RGS5: variants seen among roughly 807,000 people sequenced by gnomAD.
The protein encoded by RGS5 is regulator of G-protein signalling 5.
A neutral mutation model predicts 18.9 loss-of-function variants in RGS5; 20 were observed. The ratio of observed to expected loss-of-function variants is 1.06; its 90% CI spans 0.74 to 1.54. The LOEUF is 1.54. RGS5 is among the 40% of genes most tolerant of loss of function. The probability of loss-of-function intolerance (pLI) is 0.00; values close to 1 mark genes in which losing one functional copy is unlikely to be tolerated. For missense variants in RGS5, 201 were observed against 211.8 expected (o/e 0.95, Z 0.32); for synonymous variants, 57 against 76.2 (o/e 0.75, Z 1.31).
rs554530146 is a variant in RGS5, at chr1:163,161,989, T to C, written c.156-13A>G. 9.3e-6 allele frequency: 15 copies of C among 1,608,400 alleles called. No homozygotes were observed. In the South Asian group the frequency reaches 1.5e-4, roughly 17 times the overall value. ...GTCCAGCGAGGTTCTACATCAATAATAAGGAGAGAAAAGGGGTATGGCGTA... is the reference window on the plus strand; with the variant it reads ...GTCCAGCGAGGTTCTACATCAATAACAAGGAGAGAAAAGGGGTATGGCGTA... On this transcript the variant is annotated splice_polypyrimidine_tract_variant and intron_variant, in intron 2 of 4. Transcript: ENST00000313961.
chr1:163,314,837 G>C (rs1049730126), intron 1 of RGS5, among the ~76,000 whole-genome samples: 18 of 152,118 alleles, frequency 1.2e-4, no homozygotes, highest in African/African-American at 4.3e-4. Context: ...GGCACAGCTA[G>C]AAGATGCCAT....
chr1:163,309,229 G>A (rs1049053593), intron 1 of RGS5, among the ~76,000 whole-genome samples: 1 of 152,156 alleles, frequency 6.6e-6, no homozygotes, highest in Non-Finnish European at 1.5e-5. Context: ...GTTGCTGAAG[G>A]TTTAGGTGGC....
chr1:163,245,986 C>A (rs185238932), intron 2 of RGS5, among the ~76,000 whole-genome samples: 3 of 152,170 alleles, frequency 2.0e-5, no homozygotes, highest in Admixed American at 6.5e-5. Context: ...GAGGCCAAGG[C>A]GGGCGGATCA....
chr1:163,164,972 C>A (rs1474702499), intron 2 of RGS5, among the ~76,000 whole-genome samples: 1 of 152,124 alleles, frequency 6.6e-6, no homozygotes, highest in Non-Finnish European at 1.5e-5. Flanking sequence ...GTGCCTAGTC[C>A]CCTCTCCCTT....
chr1:163,178,105 C>A (rs970739256), intron 1 of RGS5, among the ~76,000 whole-genome samples: 5 of 152,072 alleles, frequency 3.3e-5, no homozygotes, highest in African/African-American at 1.2e-4. Context: ...GAATTCAAGA[C>A]CAGCCTAGAC....
intron 1 of RGS5, among the ~76,000 whole-genome samples, chr1:163,320,612 C>T (rs1469116889): frequency 6.6e-6 from 1 of 152,124 alleles, no homozygotes. Flanking sequence ...TGGCAAGTGT[C>T]AATGAGACAG....
chr1:163,293,444 G>A (rs1649345911), intron 2 of RGS5, among the ~76,000 whole-genome samples: 1 of 152,154 alleles, frequency 6.6e-6, no homozygotes, highest in South Asian at 2.1e-4. Flanking sequence ...TCACTATCAT[G>A]ATAACAGCAA....
chr1:163,255,929 C>T (rs61812164), intron 2 of RGS5, among the ~76,000 whole-genome samples: 14,709 of 152,116 alleles, frequency 0.097, 983 homozygotes, highest in South Asian at 0.2. Context: ...GCTAAAAACT[C>T]TCAATAAATT....
At chr1:163,317,214 G>A (rs145377207) in intron 1 of RGS5, among the ~76,000 whole-genome samples, 56 of 152,240 alleles carry the variant, frequency 3.7e-4, no homozygotes, top group African/African-American at 1.3e-3. Context: ...CTAAATCAGA[G>A]ACTGGCATCC....
At chr1:163,291,130 T>C (rs1338361048) in intron 2 of RGS5, among the ~76,000 whole-genome samples, 1 of 121,306 alleles carries the variant, frequency 8.2e-6, no homozygotes, top group Non-Finnish European at 1.9e-5. Flanking sequence ...AGCCCACTTA[T>C]TAAAAAAAAA....
chr1:163,176,760 T>G (rs1658579332), intron 1 of RGS5, among the ~76,000 whole-genome samples: 1 of 152,228 alleles, frequency 6.6e-6, no homozygotes, highest in Non-Finnish European at 1.5e-5. Context: ...GTTTTGATAT[T>G]TTCAACGAAA....
chr1:163,182,165 G>A (rs1025277320), intron 1 of RGS5, among the ~76,000 whole-genome samples: 1 of 152,108 alleles, frequency 6.6e-6, no homozygotes, highest in Non-Finnish European at 1.5e-5. Context: ...AAATGGATAG[G>A]ATAGGATAGG....
intron 1 of RGS5, among the ~76,000 whole-genome samples, chr1:163,184,146 T>A (rs1658970945): frequency 6.6e-6 from 1 of 152,008 alleles, no homozygotes; most frequent in African/African-American, 2.4e-5. Flanking sequence ...AGCAACAAAG[T>A]CTAGGAACCA....
intron 2 of RGS5, among the ~76,000 whole-genome samples, chr1:163,244,207 C>A (rs985581825): frequency 6.6e-6 from 1 of 152,062 alleles, no homozygotes; most frequent in African/African-American, 2.4e-5. Context: ...GAAGATAAAG[C>A]CTATCATCTC....
intron 2 of RGS5, among the ~76,000 whole-genome samples, chr1:163,286,821 T>A (rs1482146678): frequency 6.6e-6 from 1 of 152,148 alleles, no homozygotes; most frequent in Non-Finnish European, 1.5e-5. Flanking sequence ...AAAAAAAATT[T>A]TAAGTTTTTG....
At chr1:163,184,170 C>A (rs1354383794) in intron 1 of RGS5, among the ~76,000 whole-genome samples, 1 of 152,058 alleles carries the variant, frequency 6.6e-6, no homozygotes, top group Non-Finnish European at 1.5e-5. Context: ...AAAAGGTCAC[C>A]CTGTTGCCAC....
intron 4 of RGS5, 142 bp downstream of exon 4, chr1:163,152,408 A>G: frequency 1.3e-6 from 1 of 791,512 alleles, no homozygotes. Context: ...CTGCCTTTGT[A>G]CTCAATAGGT....
chr1:163,226,883 C>A (rs1647348633), intron 2 of RGS5, among the ~76,000 whole-genome samples: 1 of 152,200 alleles, frequency 6.6e-6, no homozygotes, highest in African/African-American at 2.4e-5. Context: ...TTTTGCATTT[C>A]TCATCCACTT....
chr1:163,191,871 G>C (rs948709036), intron 1 of RGS5, among the ~76,000 whole-genome samples: 1 of 152,016 alleles, frequency 6.6e-6, no homozygotes, highest in Admixed American at 6.6e-5. Flanking sequence ...GGAGAGAAGA[G>C]GGGCTGAAGC....
Sources: allele counts gnomAD v4.1 joint callset (sites outside exome capture counted in the v4.1 genomes callset), GRCh38; gene constraint gnomAD v4.1.1; transcripts MANE v1.5; gene names NCBI Gene and HGNC (gene_info 2026-07-23, HGNC 2026-07-21).